IL34: variants seen among roughly 807,000 people sequenced by gnomAD.
The protein encoded by IL34 is interleukin 34.
In IL34, 17 loss-of-function variants were observed where a neutral mutation model predicts 25.3. The ratio of observed to expected loss-of-function variants is 0.67; its 90% CI spans 0.46 to 1.01. IL34 has a LOEUF of 1.01. Ranked by LOEUF, IL34 falls within the 50% of genes least tolerant of loss-of-function variation. The pLI is 0.00. For synonymous variants in IL34, 174 were observed against 140.9 expected (o/e 1.23, Z -1.66); for missense variants, 368 against 312.9 (o/e 1.18, Z -1.33).
At chr16:70,611,293 G>C (rs1454681188) in intron 1 of IL34, among the ~76,000 whole-genome samples, 1 of 152,100 alleles carries the variant, frequency 6.6e-6, no homozygotes, top group African/African-American at 2.4e-5. Flanking sequence ...GCCTGAACTC[G>C]CTCTTGTATC....
At chr16:70,585,030 C>T (rs923005450) in intron 1 of IL34, among the ~76,000 whole-genome samples, 1 of 151,990 alleles carries the variant, frequency 6.6e-6, no homozygotes, top group Non-Finnish European at 1.5e-5. Flanking sequence ...TTAAGAAAAT[C>T]CACGTTGTAC....
At chr16:70,647,032 G>A in intron 1 of IL34, 57 bp downstream of exon 1, 1 of 1,390,882 alleles carries the variant, frequency 7.2e-7, no homozygotes, top group South Asian at 1.6e-5. Context: ...CTAGATCCAG[G>A]ATCTGCCGTA....
intron 1 of IL34, among the ~76,000 whole-genome samples, chr16:70,602,606 T>C (rs2050935369): frequency 1.3e-5 from 2 of 151,586 alleles, no homozygotes; most frequent in Admixed American, 6.6e-5. Flanking sequence ...TGTGTGTGTG[T>C]GTGTGTGTGT....
At chr16:70,601,008 G>C (rs1211501084) in intron 1 of IL34, among the ~76,000 whole-genome samples, 1 of 147,864 alleles carries the variant, frequency 6.8e-6, no homozygotes, top group African/African-American at 2.6e-5. Flanking sequence ...TAAGAGACGT[G>C]GGAGATGCTG....
chr16:70,581,167 C>T (rs2050632296), intron 1 of IL34, among the ~76,000 whole-genome samples: 1 of 152,182 alleles, frequency 6.6e-6, no homozygotes, highest in Non-Finnish European at 1.5e-5. Flanking sequence ...CCACCTCGGC[C>T]TCCCAAAGTG....
intron 1 of IL34, among the ~76,000 whole-genome samples, chr16:70,601,699 C>T (rs967161496): frequency 2.0e-5 from 3 of 152,330 alleles, no homozygotes; most frequent in African/African-American, 7.2e-5. Flanking sequence ...TGCCATCTGG[C>T]CCCAATCCCT....
At chr16:70,643,660 C>A (rs913795728), upstream of IL34, among the ~76,000 whole-genome samples, 5 of 152,158 alleles carry the variant, frequency 3.3e-5, no homozygotes, top group African/African-American at 1.2e-4. Flanking sequence ...CAAGTGTGAG[C>A]CATCACACGC....
upstream of IL34, among the ~76,000 whole-genome samples, chr16:70,644,290 A>G (rs2051854521): frequency 6.6e-6 from 1 of 151,948 alleles, no homozygotes; most frequent in African/African-American, 2.4e-5. Flanking sequence ...CTTGGAGTTT[A>G]TTCTGCCTCA....
intron 4 of IL34, among the ~76,000 whole-genome samples, chr16:70,658,156 G>C (rs2052283688): frequency 6.6e-6 from 1 of 152,152 alleles, no homozygotes; most frequent in Non-Finnish European, 1.5e-5. Flanking sequence ...CAGCTTGTCG[G>C]GAGAACATCC....
Position 70,624,121 on chromosome 16 carries a change from G to C in IL34, c.-400-22427G>C, listed in dbSNP as rs1280201714. 9.2e-5 allele frequency among the ~76,000 whole-genome samples: 14 copies of C among 152,204 alleles called. 1 individual carries two copies. The highest frequency in any genetic ancestry group is 1.0e-4 in the Non-Finnish European group (7 of 67,996). On this transcript the variant is annotated intron_variant, in intron 1 of 6. Coordinates refer to the IL34 transcript ENST00000429149. ...CCAGAGTTCCAGGGGCTCTGGGAGT[G>C]GCTGCCAGGTGAGTTGAACAGTCCG...
At chr16:70,612,047 C>T (rs1271880961) in intron 1 of IL34, among the ~76,000 whole-genome samples, 2 of 152,138 alleles carry the variant, frequency 1.3e-5, no homozygotes, top group African/African-American at 4.8e-5. Context: ...AGATAGCCTT[C>T]TGTCTTGAGG....
At chr16:70,624,459 T>C (rs1356103119) in intron 1 of IL34, among the ~76,000 whole-genome samples, 4 of 152,144 alleles carry the variant, frequency 2.6e-5, no homozygotes, top group Admixed American at 2.6e-4. Flanking sequence ...GAATTTTATT[T>C]AATGTCGGGA....
At chr16:70,639,542 CA>C (rs1403263564) in intron 1 of IL34, among the ~76,000 whole-genome samples, 1 of 152,206 alleles carries the variant, frequency 6.6e-6, no homozygotes, top group Admixed American at 6.5e-5. Flanking sequence ...TGCCTGCCAA[CA>C]TCAGCAAAGA....
At chr16:70,610,507 T>A (rs1036449024) in intron 1 of IL34, among the ~76,000 whole-genome samples, 7 of 152,188 alleles carry the variant, frequency 4.6e-5, no homozygotes, top group Non-Finnish European at 8.8e-5. Flanking sequence ...GAGGACACAA[T>A]GATGACACCA....
At chr16:70,632,538 AG>A (rs1185310897) in intron 1 of IL34, among the ~76,000 whole-genome samples, 7 of 152,198 alleles carry the variant, frequency 4.6e-5, no homozygotes, top group African/African-American at 1.7e-4. Flanking sequence ...GCTCCTGACC[AG>A]GTGGTCCTGA....
chr16:70,613,050 G>A (rs2051114269), intron 1 of IL34, among the ~76,000 whole-genome samples: 1 of 152,218 alleles, frequency 6.6e-6, no homozygotes, highest in African/African-American at 2.4e-5. Context: ...TGGGATTACA[G>A]GCCTGAGCCA....
chr16:70,654,006 C>T (rs2052148129), intron 1 of IL34: 1 of 152,510 alleles, frequency 6.6e-6, no homozygotes, highest in African/African-American at 2.4e-5. Flanking sequence ...CTGGAAGGCG[C>T]TACAGACCCG....
At chr16:70,657,444 TG>T in intron 4 of IL34, 1 of 272,872 alleles carries the variant, frequency 3.7e-6, no homozygotes, top group Non-Finnish European at 6.9e-6. Flanking sequence ...GTCCTGGAGG[TG>T]GGGTAGGGGG....
intron 1 of IL34, among the ~76,000 whole-genome samples, chr16:70,590,313 T>C (rs1360634954): frequency 1.3e-5 from 2 of 152,126 alleles, no homozygotes; most frequent in Non-Finnish European, 2.9e-5. Flanking sequence ...AGATTTGGGC[T>C]CACGCTAGAG....
Sources: allele counts gnomAD v4.1 joint callset (sites outside exome capture counted in the v4.1 genomes callset), GRCh38; gene constraint gnomAD v4.1.1; transcripts MANE v1.5; gene names NCBI Gene and HGNC (gene_info 2026-07-23, HGNC 2026-07-21).